WASHC5: variants seen among roughly 807,000 people sequenced by gnomAD.
WASHC5 encodes the protein WASH complex subunit 5, also known as WASH complex subunit strumpellin.
Under a neutral mutation model 150.4 loss-of-function variants are expected in WASHC5, and 101 were observed. The observed-to-expected ratio is 0.67, with a 90% CI of 0.57 to 0.79. WASHC5 has a LOEUF of 0.79. Ranked by LOEUF, WASHC5 falls within the 30% of genes least tolerant of loss-of-function variation. The pLI, the probability that WASHC5 is intolerant of heterozygous loss-of-function variation, is 0.00. For missense variants in WASHC5, 1,195 were observed against 1,396.3 expected (o/e 0.86, Z 2.30); for synonymous variants, 467 against 491.2 (o/e 0.95, Z 0.65).
intron 19 of WASHC5, among the ~76,000 whole-genome samples, 199 bp from the exon 20 acceptor site, chr8:125,047,530 C>T (rs771716347): frequency 5.3e-5 from 8 of 151,530 alleles, no homozygotes; most frequent in Non-Finnish European, 7.4e-5. Flanking sequence ...CTCCACCACC[C>T]GGGTGCAAGC....
intron 5 of WASHC5, among the ~76,000 whole-genome samples, chr8:125,079,965 T>C (rs1170174451): frequency 6.6e-6 from 1 of 152,218 alleles, no homozygotes; most frequent in East Asian, 1.9e-4. Flanking sequence ...TTTAAAAATA[T>C]TATGTCAATT....
chr8:125,032,121 G>T, intron 27 of WASHC5, 120 bp downstream of exon 27: 1 of 1,179,454 alleles, frequency 8.5e-7, no homozygotes, highest in South Asian at 1.2e-5. Context: ...TTGCTTTACA[G>T]AGAAGGGTGA....
chr8:125,033,418 C>A (rs1347297567), intron 26 of WASHC5, among the ~76,000 whole-genome samples: 1 of 152,146 alleles, frequency 6.6e-6, no homozygotes, highest in Non-Finnish European at 1.5e-5. Context: ...AACGACAAAC[C>A]TTGACCCCTA....
At chr8:125,034,473 A>G (rs1309531074) in intron 26 of WASHC5, among the ~76,000 whole-genome samples, 1 of 152,112 alleles carries the variant, frequency 6.6e-6, no homozygotes, top group Non-Finnish European at 1.5e-5. Context: ...ACTGCACTTC[A>G]GCCTGGGTGA....
intron 1 of WASHC5, among the ~76,000 whole-genome samples, chr8:125,084,705 T>C (rs1817368471): frequency 6.6e-6 from 1 of 152,244 alleles, no homozygotes; most frequent in Non-Finnish European, 1.5e-5. Flanking sequence ...CAGCTCATTC[T>C]GAAAGTTCTT....
chr8:125,069,930 T>C (rs1816852999), intron 9 of WASHC5, among the ~76,000 whole-genome samples: 1 of 152,224 alleles, frequency 6.6e-6, no homozygotes, highest in African/African-American at 2.4e-5. Flanking sequence ...AATGTTTAAG[T>C]ACCCAGTTGT....
At chr8:125,034,945 C>T (rs1037585315) in intron 26 of WASHC5, among the ~76,000 whole-genome samples, 10 of 152,174 alleles carry the variant, frequency 6.6e-5, no homozygotes, top group Admixed American at 2.0e-4. Context: ...ATGCTGAGAA[C>T]GGTGTTTACA....
chr8:125,082,049 T>C (rs1166189498), intron 4 of WASHC5, among the ~76,000 whole-genome samples: 1 of 152,252 alleles, frequency 6.6e-6, no homozygotes, highest in African/African-American at 2.4e-5. Flanking sequence ...TACCTCTTCA[T>C]CATAAAATCA....
At chr8:125,056,926 TAA>T in intron 15 of WASHC5, 109 bp from the exon 16 acceptor site, 1 of 1,300,186 alleles carries the variant, frequency 7.7e-7, no homozygotes, top group Non-Finnish European at 1.1e-6. Context: ...CTGAAAAATG[TAA>T]AAGAGCTGTT....
At position 125,076,476 on chromosome 8, in the gene WASHC5, G is replaced by T. The variant is rs760072708; in HGVS notation, c.736C>A (p.His246Asn). 1 of 1,613,922 alleles carries T rather than the reference G, an allele frequency of 6.2e-7. No homozygotes were observed. The highest frequency in any genetic ancestry group is 8.5e-7 in the Non-Finnish European group (1 of 1,179,964). The change falls in exon 7 of 29, where the codon CAT (histidine) becomes AAT (asparagine). Residue 246 changes from histidine (H) to asparagine (N), a missense_variant. Physicochemically the swap from His to Asn is moderately conservative, Grantham distance 68. Coordinates refer to ENST00000318410, the MANE Select transcript of WASHC5 (RefSeq NM_014846.4). ...TGGTTTGCCAGGGCTGTGCTGCGAT[G>T]CTCCGGCAAAGGATACGCTGAGACC... ...NQVSAYPLPEHRSTALANQAA... is the reference protein window; with the variant it reads ...NQVSAYPLPENRSTALANQAA...
chr8:125,069,409 A>G (rs1816839278), intron 9 of WASHC5, among the ~76,000 whole-genome samples: 1 of 152,248 alleles, frequency 6.6e-6, no homozygotes, highest in Non-Finnish European at 1.5e-5. Flanking sequence ...CTAAGACTTA[A>G]ACAGACTTTG....
intron 11 of WASHC5, among the ~76,000 whole-genome samples, chr8:125,062,870 T>G (rs1181879933): frequency 6.6e-6 from 1 of 152,186 alleles, no homozygotes; most frequent in Non-Finnish European, 1.5e-5. Flanking sequence ...TTGGGAGCAG[T>G]TAGAAATTTC....
intron 5 of WASHC5, among the ~76,000 whole-genome samples, chr8:125,080,282 C>CT: frequency 6.6e-6 from 1 of 152,254 alleles, no homozygotes; most frequent in East Asian, 1.9e-4. Flanking sequence ...TTTTTTTCTT[C>CT]TTCTTTACAC....
At chr8:125,082,292 T>C in intron 4 of WASHC5, 91 bp downstream of exon 4, 1 of 758,574 alleles carries the variant, frequency 1.3e-6, no homozygotes, top group Non-Finnish European at 2.4e-6. Context: ...TAAAGAATGG[T>C]ATTTCGTATA....
intron 10 of WASHC5, among the ~76,000 whole-genome samples, chr8:125,066,159 C>T (rs78231486): frequency 6.6e-6 from 1 of 152,090 alleles, no homozygotes; most frequent in Non-Finnish European, 1.5e-5. Flanking sequence ...CAGAGGGAAA[C>T]CATTAAAATT....
At chr8:125,040,504 G>A (rs112898240) in intron 23 of WASHC5, among the ~76,000 whole-genome samples, 1,948 of 152,166 alleles carry the variant, frequency 0.013, 35 homozygotes, top group African/African-American at 0.045. Context: ...TGGTTTGGCT[G>A]TGCCCCCACC....
chr8:125,069,393 A>C (rs1816838796), intron 9 of WASHC5, among the ~76,000 whole-genome samples: 1 of 152,214 alleles, frequency 6.6e-6, no homozygotes, highest in Non-Finnish European at 1.5e-5. Context: ...AGTCAAAATA[A>C]AAACTCTAAG....
At chr8:125,062,130 T>A (rs28430824) in intron 11 of WASHC5, among the ~76,000 whole-genome samples, 177 of 152,274 alleles carry the variant, frequency 1.2e-3, no homozygotes, top group African/African-American at 4.1e-3. Flanking sequence ...AAGATTTTTG[T>A]AGGGCTGAGG....
intron 9 of WASHC5, among the ~76,000 whole-genome samples, chr8:125,068,154 G>T (rs980385640): frequency 6.6e-6 from 1 of 152,150 alleles, no homozygotes; most frequent in Non-Finnish European, 1.5e-5. Context: ...CCCTAGAGAG[G>T]CCTGTTTGCA....
Sources: gnomAD v4.1 joint callset for allele counts (sites outside exome capture counted in the v4.1 genomes callset) on GRCh38, gnomAD v4.1.1 for gene constraint, MANE v1.5 for transcripts, NCBI Gene and HGNC (gene_info 2026-07-23, HGNC 2026-07-21) for gene names.